SPTLC2: variants seen among roughly 807,000 people sequenced by gnomAD.
SPTLC2 encodes serine palmitoyltransferase 2.
A neutral mutation model predicts 62.0 loss-of-function variants in SPTLC2; 21 were observed. The ratio of observed to expected loss-of-function variants is 0.34; its 90% CI spans 0.24 to 0.49. The LOEUF is 0.49. SPTLC2 is among the 20% of genes least tolerant of loss of function. SPTLC2 has a pLI of 0.99. For synonymous variants in SPTLC2, 261 were observed against 261.8 expected (o/e 1.00, Z 0.03); for missense variants, 511 against 713.0 (o/e 0.72, Z 3.23).
chr14:77,533,647 C>T (rs142757838), intron 9 of SPTLC2, among the ~76,000 whole-genome samples: 197 of 152,256 alleles, frequency 1.3e-3, no homozygotes, highest in African/African-American at 4.4e-3. Context: ...TGTGCAAGCA[C>T]GTCCTTTAAC....
intron 4 of SPTLC2, among the ~76,000 whole-genome samples, chr14:77,571,877 A>C (rs973789459): frequency 6.6e-6 from 1 of 151,888 alleles, no homozygotes; most frequent in African/African-American, 2.4e-5. Context: ...TGCAACCTCC[A>C]CCTCCTGGGT....
rs549976507 is a variant in SPTLC2, at chr14:77,574,053, A to G, written c.631+2714T>C. ...GCTAGGAAGGTTTCTCCAGAGCATC[A>G]GACAGCATGGCCCTGCTGACACCTA... is the stretch of plus-strand genomic sequence containing the variant. On this transcript the variant is annotated intron_variant, in intron 4 of 11. Transcript: ENST00000216484. Among the ~76,000 whole-genome samples the G allele has an allele frequency of 1.6e-4, 24 of 152,336 alleles. No individual in the cohort carries two copies. The East Asian group carries it at 4.6e-3, about 29-fold the overall frequency.
intron 5 of SPTLC2, among the ~76,000 whole-genome samples, chr14:77,564,777 C>T (rs1483778903): frequency 5.3e-5 from 8 of 151,766 alleles, no homozygotes; most frequent in Non-Finnish European, 1.0e-4. Flanking sequence ...AACTAAAACT[C>T]GAGCAACAAA....
At chr14:77,523,119 T>C (rs112303166) in intron 9 of SPTLC2, among the ~76,000 whole-genome samples, 11 of 152,344 alleles carry the variant, frequency 7.2e-5, no homozygotes, top group African/African-American at 2.4e-4. Flanking sequence ...TATTTAAGTA[T>C]GTTGGGAACT....
chr14:77,526,660 T>C (rs2079410488), intron 9 of SPTLC2, among the ~76,000 whole-genome samples: 1 of 152,218 alleles, frequency 6.6e-6, no homozygotes, highest in South Asian at 2.1e-4. Context: ...AATATGTAGT[T>C]AATTTCTTGG....
chr14:77,565,077 T>C (rs1301333694), intron 5 of SPTLC2, among the ~76,000 whole-genome samples: 27 of 151,272 alleles, frequency 1.8e-4, no homozygotes, highest in Admixed American at 1.8e-3. Context: ...CCATCTCTAC[T>C]AAGAAATACA....
intron 2 of SPTLC2, among the ~76,000 whole-genome samples, chr14:77,586,540 T>C (rs1353983688): frequency 6.6e-6 from 1 of 152,198 alleles, no homozygotes; most frequent in Non-Finnish European, 1.5e-5. Flanking sequence ...AAATGTGGTA[T>C]ATCCACATAA....
At chr14:77,555,605 T>C (rs535422030) in intron 7 of SPTLC2, 86 bp from the exon 8 acceptor site, 3 of 1,291,312 alleles carry the variant, frequency 2.3e-6, no homozygotes, top group African/African-American at 3.0e-5. Context: ...TTCATTATTA[T>C]TGAGTTTACT....
chr14:77,545,651 G>A (rs17105954), intron 9 of SPTLC2, among the ~76,000 whole-genome samples: 25,378 of 152,092 alleles, frequency 0.17, 2,405 homozygotes, highest in African/African-American at 0.26. Context: ...TAAAGTTGGG[G>A]AACAGCTAGG....
At chr14:77,605,885 A>G (rs149871944) in intron 1 of SPTLC2, among the ~76,000 whole-genome samples, 40 of 152,372 alleles carry the variant, frequency 2.6e-4, no homozygotes, top group African/African-American at 9.4e-4. Flanking sequence ...TTGGGATACT[A>G]CACCGAACTG....
chr14:77,509,819 T>C lies in SPTLC2; in HGVS notation c.*2465A>G, dbSNP rs979303786. 14 of 398,222 alleles carry C rather than the reference T, an allele frequency of 3.5e-5. No individual in the cohort carries two copies. The highest frequency in any genetic ancestry group is 2.7e-4 in the African/African-American group (13 of 48,630). 24.7% of individuals were successfully genotyped at this position (398,222 alleles called of 1,614,324 possible). A position where few individuals can be genotyped will look rare whatever the true frequency, so the allele number is the denominator to read the frequency against. Reference sequence around the variant, plus strand: ...GGTCCTGCATAGATCACAGGAGATTTGTCTCTTCAAAATAAACTTGTAACA... The same window carrying C: ...GGTCCTGCATAGATCACAGGAGATTCGTCTCTTCAAAATAAACTTGTAACA... On this transcript the variant is annotated 3_prime_UTR_variant, in exon 12 of 12. Coordinates refer to ENST00000216484, the MANE Select transcript of SPTLC2 (RefSeq NM_004863.4).
In SPTLC2 at chr14:77,508,705, T is replaced by C. The variant is rs915597733; in HGVS notation, c.*3579A>G. 2 of 152,152 alleles carry C rather than the reference T, an allele frequency of 1.3e-5. No homozygotes were observed. Among genetic ancestry groups the C allele is most frequent in the Non-Finnish European group, 2.9e-5 (2 of 68,030 alleles). 9.4% of individuals were successfully genotyped at this position (152,152 alleles called of 1,614,324 possible). On this transcript the variant is annotated 3_prime_UTR_variant, in exon 12 of 12. Transcript: ENST00000216484. ...AGAAAATTCAGCTAGGCTGAACTAGTTGAGAAATTTAGATGCAGGCTCCCT... is the reference window on the plus strand; with the variant it reads ...AGAAAATTCAGCTAGGCTGAACTAGCTGAGAAATTTAGATGCAGGCTCCCT...
chr14:77,612,264 A>G (rs1212427016), intron 1 of SPTLC2, among the ~76,000 whole-genome samples: 1 of 152,230 alleles, frequency 6.6e-6, no homozygotes, highest in Non-Finnish European at 1.5e-5. Context: ...TCTTGCTCAA[A>G]GCGGTGCAAA....
chr14:77,531,507 C>CTCCTCCTCCTCCTCCTCT (rs1438238047), intron 9 of SPTLC2, among the ~76,000 whole-genome samples: 1 of 65,370 alleles, frequency 1.5e-5, no homozygotes, highest in Non-Finnish European at 2.8e-5. Context: ...CCTCCTCCTC[C>CTCCTCCTCCTCCTCCTCT]TCTTCTTCTT....
At chr14:77,587,525 G>C (rs2079788556) in intron 2 of SPTLC2, among the ~76,000 whole-genome samples, 1 of 148,666 alleles carries the variant, frequency 6.7e-6, no homozygotes, top group Non-Finnish European at 1.5e-5. Flanking sequence ...CCAGCACTTT[G>C]GGAGGCTGAG....
At chr14:77,541,561 G>C (rs1474504) in intron 9 of SPTLC2, among the ~76,000 whole-genome samples, 1 of 152,162 alleles carries the variant, frequency 6.6e-6, no homozygotes, top group Non-Finnish European at 1.5e-5. Context: ...TCTAACAGTA[G>C]GTCATCAAAT....
At chr14:77,556,356 C>T (rs944551405) in intron 7 of SPTLC2, among the ~76,000 whole-genome samples, 1 of 151,880 alleles carries the variant, frequency 6.6e-6, no homozygotes, top group Non-Finnish European at 1.5e-5. Context: ...AAAACAAGCA[C>T]CAAACACAAG....
At chr14:77,609,450 C>T (rs945544728) in intron 1 of SPTLC2, among the ~76,000 whole-genome samples, 2 of 151,964 alleles carry the variant, frequency 1.3e-5, no homozygotes, top group South Asian at 2.1e-4. Context: ...TTATAAATAA[C>T]GTGGGGCTAG....
chr14:77,514,742 A>G (rs2079350328), intron 11 of SPTLC2, among the ~76,000 whole-genome samples: 2 of 152,314 alleles, frequency 1.3e-5, no homozygotes, highest in South Asian at 4.1e-4. Context: ...TTTTGTCACT[A>G]TCTAGTTTTA....
Sources: allele counts gnomAD v4.1 joint callset (sites outside exome capture counted in the v4.1 genomes callset), GRCh38; gene constraint gnomAD v4.1.1; transcripts MANE v1.5; gene names NCBI Gene and HGNC (gene_info 2026-07-23, HGNC 2026-07-21).